Variants in SLC5A11 observed in about 807,000 individuals in gnomAD.
SLC5A11 encodes sodium/myo-inositol cotransporter 2.
SLC5A11 carries 48 observed loss-of-function variants against 69.8 expected under a neutral mutation model. The ratio of observed to expected loss-of-function variants is 0.69; its 90% CI spans 0.55 to 0.87. The LOEUF (loss-of-function observed/expected upper bound fraction) is 0.87, where lower values mean the gene tolerates loss of function less well. Ranked by LOEUF, SLC5A11 falls within the 40% of genes least tolerant of loss-of-function variation. The pLI is 0.00. For missense variants in SLC5A11, 784 were observed against 866.1 expected (o/e 0.91, Z 1.19); for synonymous variants, 319 against 342.4 (o/e 0.93, Z 0.75).
At chr16:24,886,211 T>A (rs2048387180) in intron 8 of SLC5A11, among the ~76,000 whole-genome samples, 1 of 152,066 alleles carries the variant, frequency 6.6e-6, no homozygotes, top group Non-Finnish European at 1.5e-5. Context: ...ATTTTTGTAT[T>A]TTTAGTAGGG....
intron 4 of SLC5A11, among the ~76,000 whole-genome samples, chr16:24,871,327 G>A (rs1162270878): frequency 6.6e-6 from 1 of 152,176 alleles, no homozygotes; most frequent in Non-Finnish European, 1.5e-5. Context: ...CTGGAGTGCA[G>A]TGGTGTGGTC....
chr16:24,874,923 G>A (rs34864880), intron 5 of SLC5A11, among the ~76,000 whole-genome samples: 17,667 of 151,828 alleles, frequency 0.12, 1,033 homozygotes, highest in Non-Finnish European at 0.13. Context: ...TACATTTTCC[G>A]GCCATTTGGA....
chr16:24,846,345 C>T (rs778460248), exon 1 of SLC5A11: 1 of 152,310 alleles, frequency 6.6e-6, no homozygotes, highest in Non-Finnish European at 1.5e-5. Context: ...GAGAGGATCC[C>T]GGGTATCTCC....
chr16:24,849,583 AAAAAAAAAAAATATATATATAT>A (rs1270020679), intron 1 of SLC5A11, among the ~76,000 whole-genome samples: 1 of 87,330 alleles, frequency 1.1e-5, no homozygotes, highest in Non-Finnish European at 2.5e-5. Flanking sequence ...AAAAAAAAAA[AAAAAAAAAAAATATATATATAT>A]ATATATATAT....
At chr16:24,893,519 A>C (rs1366590586) in intron 9 of SLC5A11, among the ~76,000 whole-genome samples, 1 of 151,614 alleles carries the variant, frequency 6.6e-6, no homozygotes, top group Non-Finnish European at 1.5e-5. Context: ...TATTGAACCA[A>C]TGTTTACTGT....
intron 1 of SLC5A11, among the ~76,000 whole-genome samples, chr16:24,851,313 G>A (rs2059294907): frequency 6.7e-6 from 1 of 149,246 alleles, no homozygotes; most frequent in South Asian, 2.3e-4. Context: ...AGGAGTTCAA[G>A]ACCAGCCTGG....
intron 1 of SLC5A11, among the ~76,000 whole-genome samples, chr16:24,854,389 G>A (rs532806310): frequency 2.0e-5 from 3 of 151,856 alleles, no homozygotes; most frequent in Non-Finnish European, 4.4e-5. Context: ...CTTTGGACAC[G>A]ACTTAAACTC....
intron 12 of SLC5A11, 35 bp from the exon 14 acceptor site, chr16:24,907,928 T>A (rs201754529): frequency 7.3e-7 from 1 of 1,363,818 alleles, no homozygotes; most frequent in Non-Finnish European, 1.0e-6. Context: ...AATGTTCAGA[T>A]GATGCTAATT....
At chr16:24,872,199 C>A (rs1219304922) in exon 5 of SLC5A11, 2 of 1,614,138 alleles carry the variant, frequency 1.2e-6, no homozygotes, top group South Asian at 2.2e-5. Context: ...GATCTTCCTA[C>A]CCATCTACAT....
At chr16:24,883,117 C>T (rs1164624379) in intron 7 of SLC5A11, among the ~76,000 whole-genome samples, 1 of 152,192 alleles carries the variant, frequency 6.6e-6, no homozygotes, top group Non-Finnish European at 1.5e-5. Context: ...GTAATCCCAG[C>T]ACCTTGGGAG....
At chr16:24,883,562 TG>T (rs1275145857) in intron 7 of SLC5A11, among the ~76,000 whole-genome samples, 1 of 152,200 alleles carries the variant, frequency 6.6e-6, no homozygotes, top group Non-Finnish European at 1.5e-5. Context: ...TAGTCTAACC[TG>T]GCTCTGCGAA....
At chr16:24,877,321 A>G (rs1453412159) in exon 7 of SLC5A11, 2 of 1,614,072 alleles carry the variant, frequency 1.2e-6, no homozygotes, top group Non-Finnish European at 1.7e-6. Flanking sequence ...GTACCTGGCC[A>G]TAGTTGGGCT....
At chr16:24,873,376 A>C (rs1210176408) in intron 5 of SLC5A11, among the ~76,000 whole-genome samples, 1 of 151,998 alleles carries the variant, frequency 6.6e-6, no homozygotes, top group East Asian at 1.9e-4. Flanking sequence ...CAGGGCCATA[A>C]TCTCAGCTCT....
intron 8 of SLC5A11, 140 bp downstream of exon 9, chr16:24,884,271 T>G: frequency 2.8e-6 from 2 of 714,140 alleles, no homozygotes; most frequent in South Asian, 3.6e-5. Flanking sequence ...GTGCTTTGCT[T>G]GAGGCACGGT....
intron 10 of SLC5A11, among the ~76,000 whole-genome samples, chr16:24,899,320 C>T (rs1410642882): frequency 6.6e-6 from 1 of 152,202 alleles, no homozygotes; most frequent in Admixed American, 6.5e-5. Context: ...GAGCAGTTCT[C>T]TGAAGTCTCA....
chr16:24,892,387 A>G (rs74945166), intron 9 of SLC5A11, among the ~76,000 whole-genome samples: 2,648 of 152,092 alleles, frequency 0.017, 95 homozygotes, highest in African/African-American at 0.06. Flanking sequence ...CTGGTGTGAA[A>G]AAAGAAAGGA....
intron 7 of SLC5A11, among the ~76,000 whole-genome samples, chr16:24,880,795 T>C (rs1387882185): frequency 6.6e-6 from 1 of 152,126 alleles, no homozygotes; most frequent in Non-Finnish European, 1.5e-5. Context: ...GAGATTTGGG[T>C]GGGGACACAG....
intron 9 of SLC5A11, among the ~76,000 whole-genome samples, chr16:24,897,385 C>T (rs970301517): frequency 3.9e-5 from 6 of 152,050 alleles, no homozygotes; most frequent in East Asian, 1.9e-4. Flanking sequence ...ATTGGCAAGG[C>T]GTAACCCCTG....
rs115601516 is a variant in SLC5A11, at chr16:24,854,433, T to G, written c.-24-4187T>G. Among the ~76,000 whole-genome samples, 14 of 150,462 alleles carry G rather than the reference T, an allele frequency of 9.3e-5. No homozygotes were observed. The South Asian group carries it at 1.1e-3, about 11-fold the overall frequency. Reference sequence around the variant, plus strand: ...ATCACTCCCCCTGTAAAGTAAAGTTTTTTTTTTTTTTCCGGAGACAGAGTC... The same window carrying G: ...ATCACTCCCCCTGTAAAGTAAAGTTGTTTTTTTTTTTCCGGAGACAGAGTC... On this transcript the variant is annotated intron_variant, in intron 1 of 15. Transcript: ENST00000347898.
Sources: gnomAD v4.1 joint callset for allele counts (sites outside exome capture counted in the v4.1 genomes callset) on GRCh38, gnomAD v4.1.1 for gene constraint, MANE v1.5 for transcripts, NCBI Gene and HGNC (gene_info 2026-07-23, HGNC 2026-07-21) for gene names.